The following ANKS1B variants were observed in gnomAD, a reference collection of about 807,000 sequenced individuals.
ANKS1B encodes the protein ankyrin repeat and sterile alpha motif domain-containing protein 1B.
ANKS1B carries 36 observed loss-of-function variants against 148.3 expected under a neutral mutation model. The ratio of observed to expected loss-of-function variants is 0.24; its 90% confidence interval spans 0.19 to 0.32. ANKS1B has a LOEUF of 0.32. Among genes scored for constraint, ANKS1B ranks in the 10% least tolerant of loss-of-function variants. ANKS1B has a pLI of 1.00. For missense variants in ANKS1B, 1,157 were observed against 1,542.6 expected (o/e 0.75, Z 4.19); for synonymous variants, 542 against 560.8 (o/e 0.97, Z 0.47).
At chr12:99,829,713 C>G (rs1352078871) in intron 1 of ANKS1B, among the ~76,000 whole-genome samples, 2 of 151,822 alleles carry the variant, frequency 1.3e-5, no homozygotes, top group Non-Finnish European at 2.9e-5. Flanking sequence ...GCCTGTAGTC[C>G]CAACTACTCA....
chr12:98,832,634 A>T lies in ANKS1B; in HGVS notation c.2779-498T>A, dbSNP rs1389649265. Among the ~76,000 whole-genome samples, 3 of 152,000 alleles carry T rather than the reference A, an allele frequency of 2.0e-5. No homozygotes were observed. In the South Asian group the frequency reaches 6.2e-4, roughly 32 times the overall value. On this transcript the variant is annotated intron_variant, in intron 17 of 26. Coordinates refer to ENST00000683438, the MANE Select transcript of ANKS1B (RefSeq NM_001352186.2). ...TGGAATGCCCCCTCTCCCCTCTGAG[A>T]TTTTCAAATAACCAGTGACTTCTCA...
At chr12:99,379,447 GAATT>G (rs2093545968) in intron 12 of ANKS1B, among the ~76,000 whole-genome samples, 1 of 152,146 alleles carries the variant, frequency 6.6e-6, no homozygotes, top group Non-Finnish European at 1.5e-5. Flanking sequence ...GTTGTTGTGA[GAATT>G]AAATTAGTGA....
At chr12:98,877,015 T>C (rs1482589249) in intron 17 of ANKS1B, among the ~76,000 whole-genome samples, 2 of 152,206 alleles carry the variant, frequency 1.3e-5, no homozygotes, top group African/African-American at 4.8e-5. Flanking sequence ...TATGCATATA[T>C]AGCTAAATTA....
chr12:99,983,932 A>C (rs1265362310), intron 1 of ANKS1B, among the ~76,000 whole-genome samples, 172 bp downstream of exon 1: 1 of 152,208 alleles, frequency 6.6e-6, no homozygotes, highest in African/African-American at 2.4e-5. Context: ...CTAAGGCATC[A>C]ATCTGACTGG....
At chr12:99,478,978 A>C (rs2096368993) in intron 10 of ANKS1B, among the ~76,000 whole-genome samples, 1 of 152,068 alleles carries the variant, frequency 6.6e-6, no homozygotes, top group Non-Finnish European at 1.5e-5. Flanking sequence ...TTTACTTAAA[A>C]TATTAGTATT....
At position 99,399,765 on chromosome 12, in the gene ANKS1B, A is replaced by G; in HGVS notation, c.1622T>C (p.Met541Thr). 1 of 1,613,498 alleles carries G rather than the reference A, an allele frequency of 6.2e-7. No individual in the cohort carries two copies. Among genetic ancestry groups the G allele is most frequent in the Non-Finnish European group, 8.5e-7 (1 of 1,179,506 alleles). ...TTCAAAATATTCTTGGTTGTGATTC[A>G]TTCGGTGAAAATCCAGAGAAGACAC... ...SIVSSLDFHR[M>T]NHNQEYFEIN... Residue 541 changes from methionine (M) to threonine (T), a missense_variant, in exon 12 of 27, where the codon ATG becomes ACG. Transcript: ENST00000683438.
chr12:99,983,666 G>A (rs1456265209), intron 1 of ANKS1B, among the ~76,000 whole-genome samples: 19 of 152,208 alleles, frequency 1.2e-4, no homozygotes, highest in Non-Finnish European at 2.9e-5. Flanking sequence ...GCAAGAGAAG[G>A]TAGGAGCCAC....
At chr12:99,710,042 G>A (rs932706379) in intron 8 of ANKS1B, among the ~76,000 whole-genome samples, 1 of 151,816 alleles carries the variant, frequency 6.6e-6, no homozygotes, top group East Asian at 1.9e-4. Flanking sequence ...TCCATAATGG[G>A]GCTCATTCAT....
intron 9 of ANKS1B, among the ~76,000 whole-genome samples, chr12:99,571,448 T>C (rs1322415745): frequency 6.6e-6 from 1 of 151,970 alleles, no homozygotes; most frequent in Non-Finnish European, 1.5e-5. Flanking sequence ...AAAAGTAGTA[T>C]CTGATTCAGG....
At chr12:99,818,888 C>T (rs573134968) in intron 2 of ANKS1B, among the ~76,000 whole-genome samples, 5 of 151,784 alleles carry the variant, frequency 3.3e-5, no homozygotes, top group South Asian at 2.1e-4. Context: ...AAATGTATTT[C>T]GGTAAGTTCA....
intron 17 of ANKS1B, among the ~76,000 whole-genome samples, chr12:98,922,719 G>C (rs997606540): frequency 3.0e-4 from 46 of 152,098 alleles, no homozygotes; most frequent in African/African-American, 1.1e-3. Flanking sequence ...GGCTGGTCTT[G>C]AACTCCCGAC....
At chr12:99,740,393 A>G (rs1008183950) in intron 8 of ANKS1B, among the ~76,000 whole-genome samples, 1 of 152,208 alleles carries the variant, frequency 6.6e-6, no homozygotes, top group Non-Finnish European at 1.5e-5. Context: ...AAATATTATA[A>G]TGCAGCACCT....
At chr12:99,191,923 G>A (rs2080770781) in intron 14 of ANKS1B, among the ~76,000 whole-genome samples, 1 of 152,068 alleles carries the variant, frequency 6.6e-6, no homozygotes, top group Non-Finnish European at 1.5e-5. Context: ...CACGAGGTCA[G>A]GAGTTTGAGA....
At chr12:98,874,822 C>A (rs1427333487) in intron 17 of ANKS1B, among the ~76,000 whole-genome samples, 3 of 152,024 alleles carry the variant, frequency 2.0e-5, no homozygotes, top group African/African-American at 7.2e-5. Context: ...AGGAGAAGCT[C>A]CTTGTAATAA....
intron 9 of ANKS1B, among the ~76,000 whole-genome samples, chr12:99,645,516 A>T (rs572714184): frequency 6.6e-6 from 1 of 152,174 alleles, no homozygotes; most frequent in African/African-American, 2.4e-5. Flanking sequence ...GGCTGAGAAA[A>T]ATAAGGCCCA....
rs146580350 is a variant in ANKS1B at position 99,901,532 on chromosome 12, G to A, written c.135-76143C>T. On this transcript the variant is annotated intron_variant, in intron 1 of 26. Transcript: ENST00000683438. The stretch of plus-strand genomic sequence containing the variant: ...GGGAACACACTGGAATCCTATAGTG[G>A]ACATTTGTTATGTGCCCCCCAACCC... Among the ~76,000 whole-genome samples, 766 of 152,272 alleles carry A rather than the reference G, an allele frequency of 5.0e-3. 3 individuals are homozygous for A. The highest frequency in any genetic ancestry group is 7.4e-3 in the Non-Finnish European group (503 of 68,012).
In ANKS1B at chr12:99,661,005, G is replaced by A. The variant is rs755553937; in HGVS notation, c.1129-5795C>T. ...CCTTATACGAAGGCTGGAATGTAAC[G>A]AAAGCCCACCAAGAGTTTTGCCTAG... On this transcript the variant is annotated intron_variant, in intron 8 of 26. Transcript: ENST00000683438. Among the ~76,000 whole-genome samples, 6 of 152,178 alleles carry A rather than the reference G, an allele frequency of 3.9e-5. No homozygotes were observed. In the South Asian group the frequency reaches 6.3e-4, roughly 16 times the overall value.
At chr12:99,276,386 A>G (rs186798991) in intron 12 of ANKS1B, among the ~76,000 whole-genome samples, 1 of 152,324 alleles carries the variant, frequency 6.6e-6, no homozygotes, top group Non-Finnish European at 1.5e-5. Context: ...TGATGATTAA[A>G]GTAAAATGAT....
intron 8 of ANKS1B, among the ~76,000 whole-genome samples, chr12:99,724,922 G>A (rs953458910): frequency 6.6e-6 from 1 of 152,096 alleles, no homozygotes; most frequent in African/African-American, 2.4e-5. Context: ...CATAAGCAAA[G>A]AAGAAATAAA....
Sources: allele counts gnomAD v4.1 joint callset (sites outside exome capture counted in the v4.1 genomes callset), GRCh38; gene constraint gnomAD v4.1.1; transcripts MANE v1.5; gene names NCBI Gene and HGNC (gene_info 2026-07-23, HGNC 2026-07-21).